The following ALMS1 variants were observed in gnomAD, a reference collection of about 807,000 sequenced individuals.
ALMS1 encodes ALMS1 centrosome and basal body associated protein.
A neutral mutation model predicts 352.2 loss-of-function variants in ALMS1; 271 were observed. That is an observed-to-expected ratio of 0.77 (90% CI 0.70 to 0.85). ALMS1 has a LOEUF of 0.85. Ranked by LOEUF, ALMS1 falls within the 40% of genes least tolerant of loss-of-function variation. The probability of loss-of-function intolerance (pLI) is 0.00; values close to 1 mark genes in which losing one functional copy is unlikely to be tolerated. For synonymous variants in ALMS1, 1,865 were observed against 1,761.2 expected (o/e 1.06, Z -1.48); for missense variants, 5,445 against 4,870.7 (o/e 1.12, Z -3.51).
chr2:73,471,431 A>G (rs1195006911), intron 9 of ALMS1, among the ~76,000 whole-genome samples: 1 of 145,484 alleles, frequency 6.9e-6, no homozygotes, highest in African/African-American at 2.6e-5. Context: ...ATATTTGCAA[A>G]CCATGTATCT....
intron 12 of ALMS1, among the ~76,000 whole-genome samples, chr2:73,541,923 G>A (rs951156520): frequency 5.9e-5 from 9 of 152,136 alleles, no homozygotes; most frequent in Non-Finnish European, 1.3e-4. Context: ...ATTCACAGCC[G>A]AATTGTACCA....
intron 10 of ALMS1, among the ~76,000 whole-genome samples, chr2:73,512,925 G>T (rs550501101): frequency 6.6e-6 from 1 of 152,270 alleles, no homozygotes; most frequent in South Asian, 2.1e-4. Context: ...CTAGGCATAT[G>T]TGTTGCTCCC....
At chr2:73,429,091 A>G (rs1400241725) in intron 6 of ALMS1, among the ~76,000 whole-genome samples, 1 of 152,168 alleles carries the variant, frequency 6.6e-6, no homozygotes, top group African/African-American at 2.4e-5. Flanking sequence ...GGAAATAGGA[A>G]TAGTAATAAC....
chr2:73,478,284 C>A (rs1369698771), intron 9 of ALMS1, among the ~76,000 whole-genome samples: 1 of 152,044 alleles, frequency 6.6e-6, no homozygotes, highest in Non-Finnish European at 1.5e-5. Context: ...TGTGAAAATA[C>A]TGAAATTTAC....
In ALMS1 at chr2:73,489,990, C is replaced by T. The variant is rs754078506; in HGVS notation, c.8031C>T (p.Asp2677=). 6.2e-7 allele frequency: 1 copy of T among 1,614,208 alleles called. No homozygotes were observed. The highest frequency in any genetic ancestry group is 1.1e-5 in the South Asian group (1 of 91,074). Residue 2677 remains aspartate, a synonymous_variant, in exon 10 of 23, where the codon GAC becomes GAT. Coordinates refer to ENST00000613296, the MANE Select transcript of ALMS1 (RefSeq NM_001378454.1). ...GAATGCCATTCGATGAAAAGATGGA[C>T]CCTTGGCTGTCAGAATTAGTAGAAC... The part of the protein sequence containing the change: ...GLRMPFDEKM[D]PWLSELVEPA...
chr2:73,426,592 C>G (rs1671384514), intron 6 of ALMS1, 39 bp downstream of exon 6: 2 of 1,582,936 alleles, frequency 1.3e-6, no homozygotes. Context: ...GAAACGTGGC[C>G]TTTTTCAGTA....
At chr2:73,487,906 C>T (rs746921246) in intron 9 of ALMS1, among the ~76,000 whole-genome samples, 6 of 152,124 alleles carry the variant, frequency 3.9e-5, no homozygotes, top group Non-Finnish European at 8.8e-5. Context: ...AGAAGAGACC[C>T]GGAGTGGCTA....
Position 73,448,608 on chromosome 2 carries a change from A to G in ALMS1, c.2081A>G (p.Lys694Arg), listed in dbSNP as rs1558647729. The change falls in exon 8 of 23, where the codon AAA becomes AGA. Residue 694 changes from lysine (K) to arginine (R), a missense_variant. Transcript: ENST00000613296. ...GGTCATCTAACTGATCAGGCTCTGA[A>G]AGTCTCAGCTGTGTCTGGACCAGCT... ...PDGHLTDQAL[K>R]VSAVSGPADQ... 1 of 1,613,782 alleles carries G rather than the reference A, an allele frequency of 6.2e-7. No homozygotes were observed. Among genetic ancestry groups the G allele is most frequent in the African/African-American group, 1.3e-5 (1 of 74,930 alleles).
intron 21 of ALMS1, 50 bp from the exon 22 acceptor site, chr2:73,608,425 A>T: frequency 6.9e-7 from 1 of 1,445,994 alleles, no homozygotes; most frequent in Non-Finnish European, 9.7e-7. Context: ...ATGACTCTGC[A>T]CCCTGGTAAC....
At chr2:73,590,319 C>G (rs1050615579) in intron 16 of ALMS1, among the ~76,000 whole-genome samples, 23 of 152,066 alleles carry the variant, frequency 1.5e-4, no homozygotes, top group Admixed American at 1.2e-3. Flanking sequence ...TCTGGTAAAA[C>G]TTCATTGTCA....
chr2:73,428,434 A>G (rs961964013), intron 6 of ALMS1, among the ~76,000 whole-genome samples: 3 of 152,120 alleles, frequency 2.0e-5, no homozygotes, highest in African/African-American at 7.2e-5. Flanking sequence ...TTATTTTGGC[A>G]AGAGTAGAGG....
chr2:73,602,346 C>T lies in ALMS1; in HGVS notation c.12276C>T (p.Arg4092=). The change falls in exon 20 of 23, where the codon CGC becomes CGT. Residue 4092 remains arginine, a synonymous_variant. Transcript: ENST00000613296. ...IDRERQGHQN[R]MCPLPKRVFL... ...GGGAACGGCAGGGCCACCAGAATCGCATGTGCCCGCTGCCCAAGAGAGGTA... is the reference window on the plus strand; with the variant it reads ...GGGAACGGCAGGGCCACCAGAATCGTATGTGCCCGCTGCCCAAGAGAGGTA... 1 of 1,614,184 alleles carries T rather than the reference C, an allele frequency of 6.2e-7. No individual in the cohort carries two copies. The highest frequency in any genetic ancestry group is 1.1e-5 in the South Asian group (1 of 91,082).
At chr2:73,413,337 C>CT (rs1671117311) in intron 2 of ALMS1, among the ~76,000 whole-genome samples, 1 of 151,580 alleles carries the variant, frequency 6.6e-6, no homozygotes, top group Non-Finnish European at 1.5e-5. Flanking sequence ...ATTTTTTTTC[C>CT]TTTTTTGGTT....
intron 7 of ALMS1, among the ~76,000 whole-genome samples, chr2:73,434,283 A>G (rs1452837383): frequency 6.6e-6 from 1 of 152,152 alleles, no homozygotes; most frequent in Non-Finnish European, 1.5e-5. Context: ...TGTTAGCTGC[A>G]TGTCCTAAGT....
chr2:73,415,758 A>C (rs959984193), intron 2 of ALMS1, among the ~76,000 whole-genome samples: 1 of 152,302 alleles, frequency 6.6e-6, no homozygotes, highest in Middle Eastern at 3.4e-3. Flanking sequence ...GATTGGATTC[A>C]TGCAAGGAGA....
Position 73,602,596 on chromosome 2 carries a change from G to A in ALMS1, c.12298+228G>A, listed in dbSNP as rs3111895. Among the ~76,000 whole-genome samples, 6 of 152,194 alleles carry A rather than the reference G, an allele frequency of 3.9e-5. No homozygotes were observed. The East Asian group carries it at 1.2e-3, about 29-fold the overall frequency. On this transcript the variant is annotated intron_variant, in intron 20 of 22. Transcript: ENST00000613296. ...TTACTCTAAGCCCTGTCACTGCATC[G>A]TAAACCAGCTCTGTGTCTGTGAGCA...
intron 10 of ALMS1, among the ~76,000 whole-genome samples, chr2:73,509,923 C>T (rs1418301825): frequency 1.3e-5 from 2 of 151,808 alleles, no homozygotes; most frequent in Non-Finnish European, 3.0e-5. Flanking sequence ...AGTCTTTTCA[C>T]ATAGTCCCAT....
chr2:73,525,290 A>G (rs1161492428), intron 11 of ALMS1, among the ~76,000 whole-genome samples: 3 of 152,222 alleles, frequency 2.0e-5, no homozygotes, highest in African/African-American at 7.2e-5. Flanking sequence ...TTATATACCT[A>G]GCAGTGGGAT....
Position 73,449,157 on chromosome 2 carries a change from A to G in ALMS1, c.2630A>G (p.Asn877Ser), listed in dbSNP as rs759124345. ...GCTTTCTATCAGCAGACCTTACCCA[A>G]TAGTCATCTAACTGAAGAGGCTCTG... is the stretch of plus-strand genomic sequence containing the variant. ...PSAFYQQTLP[N>S]SHLTEEALKV... Residue 877 changes from asparagine to serine, a missense_variant, in exon 8 of 23, where the codon AAT becomes AGT. By Grantham distance (46) the Asn-to-Ser change is conservative (BLOSUM62 1). Coordinates refer to ENST00000613296, the MANE Select transcript of ALMS1 (RefSeq NM_001378454.1). 2.5e-6 allele frequency: 4 copies of G among 1,614,006 alleles called. No individual in the cohort carries two copies. Among genetic ancestry groups the G allele is most frequent in the South Asian group, 2.2e-5 (2 of 91,072 alleles).
Sources: allele counts gnomAD v4.1 joint callset (sites outside exome capture counted in the v4.1 genomes callset), GRCh38; gene constraint gnomAD v4.1.1; transcripts MANE v1.5; gene names NCBI Gene and HGNC (gene_info 2026-07-23, HGNC 2026-07-21).